CNTNAP3B: variants seen among roughly 807,000 people sequenced by gnomAD.
CNTNAP3B encodes the protein contactin associated protein family member 3B, also known as contactin-associated protein-like 3B.
CNTNAP3B carries 25 observed loss-of-function variants against 108.9 expected under a neutral mutation model. The ratio of observed to expected loss-of-function variants is 0.23; its 90% CI spans 0.17 to 0.32. The LOEUF (loss-of-function observed/expected upper bound fraction) is 0.32. Among genes scored for constraint, CNTNAP3B ranks in the 10% least tolerant of loss-of-function variants. The probability of loss-of-function intolerance (pLI) is 1.00; values close to 1 mark genes in which losing one functional copy is unlikely to be tolerated. For missense variants in CNTNAP3B, 252 were observed against 1,210.4 expected, an observed-to-expected ratio of 0.21 and a Z score of 11.75; for synonymous variants, 103 against 473.4, an observed-to-expected ratio of 0.22 and a Z score of 10.16.
intron 1 of CNTNAP3B, among the ~76,000 whole-genome samples, chr9:42,126,637 T>C (rs975572520): frequency 7.4e-6 from 1 of 135,466 alleles, no homozygotes; most frequent in Non-Finnish European, 1.6e-5. Flanking sequence ...TGGTGGGATC[T>C]CGGCTCACTG....
chr9:41,948,330 G>C (rs1464951022), intron 13 of CNTNAP3B, among the ~76,000 whole-genome samples: 1 of 152,146 alleles, frequency 6.6e-6, no homozygotes, highest in Middle Eastern at 3.2e-3. Flanking sequence ...GACCTCAAGT[G>C]ATCCATCTGC....
At chr9:41,967,357 G>A (rs1320241207) in intron 10 of CNTNAP3B, among the ~76,000 whole-genome samples, 1 of 152,094 alleles carries the variant, frequency 6.6e-6, no homozygotes, top group African/African-American at 2.4e-5. Flanking sequence ...TCCCTGCACA[G>A]GTTCTCTTGC....
intron 9 of CNTNAP3B, among the ~76,000 whole-genome samples, chr9:41,976,941 A>G (rs1372483724): frequency 7.0e-6 from 1 of 142,168 alleles, no homozygotes; most frequent in African/African-American, 2.7e-5. Flanking sequence ...AAACAACGAA[A>G]CACCACCCCC....
chr9:41,969,763 G>C lies in CNTNAP3B; in HGVS notation c.1649+311C>G, dbSNP rs1202656541. Among the ~76,000 whole-genome samples, 3 of 125,126 alleles carry C rather than the reference G, an allele frequency of 2.4e-5. No individual in the cohort carries two copies. In the Admixed American group the frequency reaches 2.5e-4, roughly 10 times the overall value. The allele number at this position is 125,126 out of a possible 152,430, so 82.1% of individuals were successfully genotyped here. A position where few individuals can be genotyped will look rare whatever the true frequency, so the allele number is the denominator to read the frequency against. ...CTCCCCAGTAGCTGGGACTACAGGC[G>C]CCTGCCACCACGCCTGGCTAATTTT... On this transcript the variant is annotated intron_variant, in intron 10 of 23. Transcript: ENST00000377561.
intron 13 of CNTNAP3B, among the ~76,000 whole-genome samples, chr9:41,944,664 C>CA (rs1415575891): frequency 2.6e-5 from 4 of 151,540 alleles, no homozygotes. Context: ...AAAAGAGTTA[C>CA]AATATGGCAA....
In CNTNAP3B at chr9:42,100,135, A is replaced by C. The variant is rs1321178251; in HGVS notation, c.196+4494T>G. Among the ~76,000 whole-genome samples the C allele has an allele frequency of 7.8e-5, 4 of 51,550 alleles. 1 individual carries two copies. Among genetic ancestry groups the C allele is most frequent in the African/African-American group, 2.5e-4 (4 of 15,822 alleles). 33.8% of individuals were successfully genotyped at this position (51,550 alleles called of 152,430 possible). On this transcript the variant is annotated intron_variant, in intron 2 of 23. Transcript: ENST00000377561. The stretch of plus-strand genomic sequence containing the variant: ...ATTAATTCCTCTCTGACTCCAGTAC[A>C]TCATCTCCACCTTGTCTAGGTTTTG...
At chr9:41,940,514 A>G (rs1824305546) in intron 13 of CNTNAP3B, among the ~76,000 whole-genome samples, 1 of 12 alleles carries the variant, frequency 0.083, no homozygotes, top group Non-Finnish European at 0.25. Flanking sequence ...CTTCAAGAAT[A>G]AAAATGGAAA....
intron 3 of CNTNAP3B, among the ~76,000 whole-genome samples, chr9:42,018,846 G>A (rs1587202931): frequency 6.6e-6 from 1 of 151,900 alleles, no homozygotes; most frequent in South Asian, 2.1e-4. Context: ...TCTGAACACT[G>A]GGGAGAATGA....
intron 4 of CNTNAP3B, among the ~76,000 whole-genome samples, chr9:42,010,366 G>T (rs558651954): frequency 6.7e-6 from 1 of 149,054 alleles, no homozygotes; most frequent in Non-Finnish European, 1.5e-5. Context: ...GCTAAAGAGA[G>T]CTGAAATCAT....
intron 1 of CNTNAP3B, among the ~76,000 whole-genome samples, chr9:42,112,322 C>T (rs1828208468): frequency 1.4e-5 from 2 of 139,482 alleles, no homozygotes; most frequent in African/African-American, 2.8e-5. Flanking sequence ...AGGTCTGTCT[C>T]ATGGAAAATG....
At chr9:41,990,676 T>A (rs1825789170) in intron 8 of CNTNAP3B, among the ~76,000 whole-genome samples, 1 of 135,378 alleles carries the variant, frequency 7.4e-6, no homozygotes, top group African/African-American at 2.9e-5. Flanking sequence ...CTTTTTTTTT[T>A]TAAAGCCCCC....
chr9:42,087,083 G>T (rs1198403112), intron 2 of CNTNAP3B, among the ~76,000 whole-genome samples: 1 of 141,176 alleles, frequency 7.1e-6, no homozygotes, highest in Admixed American at 7.0e-5. Context: ...TATTGTGAAT[G>T]AAATTCTTTT....
chr9:41,990,645 CT>C (rs1319400767), intron 8 of CNTNAP3B, among the ~76,000 whole-genome samples: 2 of 132,400 alleles, frequency 1.5e-5, no homozygotes, highest in African/African-American at 2.9e-5. Flanking sequence ...TCGTCTGTGC[CT>C]TTTTCTTTTT....
Position 42,010,356 on chromosome 9 carries a change from G to T in CNTNAP3B, c.538+3022C>A, listed in dbSNP as rs1826111149. Among the ~76,000 whole-genome samples the T allele has an allele frequency of 2.7e-5, 4 of 149,068 alleles. No homozygotes were observed. The South Asian group carries it at 8.5e-4, about 32-fold the overall frequency. On this transcript the variant is annotated intron_variant, in intron 4 of 23. Transcript: ENST00000377561. ...AAGTTTAGATTAAGTCGGTAGTAGAGCTAAAGAGAGCTGAAATCATGCAAG... is the reference window on the plus strand; with the variant it reads ...AAGTTTAGATTAAGTCGGTAGTAGATCTAAAGAGAGCTGAAATCATGCAAG...
intron 13 of CNTNAP3B, among the ~76,000 whole-genome samples, chr9:41,951,993 C>T (rs1824701559): frequency 1.3e-5 from 2 of 152,242 alleles, no homozygotes. Context: ...AGGAGAATCG[C>T]TTGAATCCGG....
At chr9:41,958,600 T>C (rs1250689373) in intron 12 of CNTNAP3B, among the ~76,000 whole-genome samples, 1 of 151,750 alleles carries the variant, frequency 6.6e-6, no homozygotes, top group Non-Finnish European at 1.5e-5. Context: ...GCTGTGACCT[T>C]CACAAGAGCT....
intron 13 of CNTNAP3B, among the ~76,000 whole-genome samples, chr9:41,945,877 T>C (rs1394403447): frequency 1.3e-5 from 2 of 152,032 alleles, no homozygotes; most frequent in Admixed American, 1.3e-4. Context: ...CGGGTAGATT[T>C]GAAGAGCTAG....
At chr9:42,120,437 T>G (rs1828434664) in intron 1 of CNTNAP3B, among the ~76,000 whole-genome samples, 1 of 137,690 alleles carries the variant, frequency 7.3e-6, no homozygotes, top group East Asian at 2.2e-4. Context: ...GATCTAGAAC[T>G]AGAAATACCA....
In CNTNAP3B at chr9:42,066,593, A is replaced by T. The variant is rs534013669; in HGVS notation, c.390+10276T>A. Among the ~76,000 whole-genome samples, 46 of 129,674 alleles carry T rather than the reference A, an allele frequency of 3.5e-4. 3 individuals carry two copies. The highest frequency in any genetic ancestry group is 1.3e-3 in the African/African-American group (41 of 31,844). The allele number at this position is 129,674 out of a possible 152,430, so 85.1% of individuals were successfully genotyped here. A position where few individuals can be genotyped will look rare whatever the true frequency, so the allele number is the denominator to read the frequency against. On this transcript the variant is annotated intron_variant, in intron 3 of 23. Coordinates refer to ENST00000377561, the MANE Select transcript of CNTNAP3B (RefSeq NM_001201380.3). ...AGGCGCCTGCCACCACATCTGGCTA[A>T]TTTTTTTGTATTTTTAGTAGAGATG... is the stretch of plus-strand genomic sequence containing the variant.
Sources: gnomAD v4.1 joint callset for allele counts (sites outside exome capture counted in the v4.1 genomes callset) on GRCh38, gnomAD v4.1.1 for gene constraint, MANE v1.5 for transcripts, NCBI Gene and HGNC (gene_info 2026-07-23, HGNC 2026-07-21) for gene names.